The following GLP2R variants were observed in gnomAD, a reference collection of about 807,000 sequenced individuals.
GLP2R encodes the protein glucagon-like peptide 2 receptor.
Under a neutral mutation model 68.2 loss-of-function variants are expected in GLP2R, and 59 were observed. The ratio of observed to expected loss-of-function variants is 0.87; its 90% confidence interval spans 0.70 to 1.07. The LOEUF is 1.07. Ranked by LOEUF, GLP2R falls within the 50% of genes least tolerant of loss-of-function variation. The pLI, the probability that GLP2R is intolerant of heterozygous loss-of-function variation, is 0.00. For synonymous variants in GLP2R, 270 were observed against 265.4 expected (o/e 1.02, Z -0.17); for missense variants, 548 against 677.4 (o/e 0.81, Z 2.12).
intron 4 of GLP2R, among the ~76,000 whole-genome samples, chr17:9,846,758 C>A (rs1173561242): frequency 6.6e-6 from 1 of 152,148 alleles, no homozygotes; most frequent in South Asian, 2.1e-4. Context: ...TAAAAAAATT[C>A]TATACCTGAA....
intron 10 of GLP2R, among the ~76,000 whole-genome samples, chr17:9,874,235 C>A (rs994760497): frequency 1.3e-5 from 2 of 152,160 alleles, no homozygotes; most frequent in Non-Finnish European, 2.9e-5. Context: ...ACTGGGGAGA[C>A]CCTCATGGCT....
rs1196620250 is a variant in GLP2R at position 9,890,003 on chromosome 17, A to G, written c.*298A>G. 3.9e-6 allele frequency: 2 copies of G among 509,162 alleles called. No homozygotes were observed. Among genetic ancestry groups the G allele is most frequent in the Non-Finnish European group, 7.6e-6 (2 of 262,028 alleles). 31.5% of individuals were successfully genotyped at this position (509,162 alleles called of 1,614,324 possible). A position where few individuals can be genotyped will look rare whatever the true frequency, so the allele number is the denominator to read the frequency against. On this transcript the variant is annotated 3_prime_UTR_variant, in exon 13 of 13. Transcript: ENST00000262441. ...TTCAAGCCAATGAAGTCCCACCATG[A>G]AGAGAGGTCTCCTGTTATAGAGAAG...
At chr17:9,827,945 A>G (rs1368037893) in intron 1 of GLP2R, among the ~76,000 whole-genome samples, 1 of 130,030 alleles carries the variant, frequency 7.7e-6, no homozygotes, top group Non-Finnish European at 1.5e-5. Context: ...TGGGCAGTAG[A>G]GTGAGGATCT....
chr17:9,842,399 ATCCCTTCTCCCTGGGATTT>A, intron 3 of GLP2R, 77 bp from the exon 4 acceptor site: 1 of 1,487,868 alleles, frequency 6.7e-7, no homozygotes, highest in Non-Finnish European at 9.2e-7. Context: ...GGAAATGAAA[ATCCCTTCTCCCTGGGATTT>A]TCCACAGCTC....
chr17:9,854,880 A>G (rs1398285931), intron 5 of GLP2R, among the ~76,000 whole-genome samples: 1 of 152,182 alleles, frequency 6.6e-6, no homozygotes, highest in African/African-American at 2.4e-5. Context: ...ATGCTATACT[A>G]TAATAAGAGT....
chr17:9,865,696 T>C (rs763950056), intron 9 of GLP2R: 3 of 391,254 alleles, frequency 7.7e-6, no homozygotes, highest in African/African-American at 2.1e-5. Flanking sequence ...CTGAGTCCTT[T>C]ATTAATCTCT....
At chr17:9,859,910 G>A (rs1188379169) in intron 6 of GLP2R, 32 bp from the exon 7 acceptor site, 1 of 1,555,522 alleles carries the variant, frequency 6.4e-7, no homozygotes, top group Non-Finnish European at 8.7e-7. Context: ...AGGGGAGCCT[G>A]GACTCACCCT....
In GLP2R at chr17:9,836,514, T is replaced by C. The variant is rs376869251; in HGVS notation, c.382+39T>C. On this transcript the variant is annotated intron_variant, in intron 3 of 12. Coordinates refer to ENST00000262441, the MANE Select transcript of GLP2R (RefSeq NM_004246.3). The stretch of plus-strand genomic sequence containing the variant: ...TTTTTACCAATTTTCCCCAACCAAG[T>C]GCTTTTCTGAAGTCCTCTTCCCCCA... 4.0e-6 allele frequency: 5 copies of C among 1,242,048 alleles called. No individual in the cohort carries two copies. In the African/African-American group the frequency reaches 7.4e-5, roughly 18 times the overall value. 76.9% of individuals were successfully genotyped at this position (1,242,048 alleles called of 1,614,324 possible).
chr17:9,847,449 T>A (rs1380325160), intron 4 of GLP2R, among the ~76,000 whole-genome samples: 1 of 152,000 alleles, frequency 6.6e-6, no homozygotes, highest in Non-Finnish European at 1.5e-5. Context: ...TTTGTATTTT[T>A]AGTGGAGACG....
intron 11 of GLP2R, 60 bp from the exon 12 acceptor site, chr17:9,887,872 A>G: frequency 7.9e-7 from 1 of 1,269,246 alleles, no homozygotes; most frequent in Non-Finnish European, 1.2e-6. Context: ...CGTTGCCAGT[A>G]ACTCTCAGAC....
chr17:9,853,280 C>G (rs564297653), intron 4 of GLP2R: 54 of 275,282 alleles, frequency 2.0e-4, no homozygotes, highest in African/African-American at 1.2e-3. Context: ...CCTCCGGGGG[C>G]TCATGTCCAT....
At chr17:9,873,344 C>G (rs2067112934) in intron 10 of GLP2R, among the ~76,000 whole-genome samples, 2 of 152,120 alleles carry the variant, frequency 1.3e-5, no homozygotes. Context: ...TGCCCAAGAC[C>G]CACAGCAACC....
intron 7 of GLP2R, 77 bp downstream of exon 7, chr17:9,860,178 C>T: frequency 7.4e-7 from 1 of 1,342,348 alleles, no homozygotes; most frequent in African/African-American, 1.5e-5. Flanking sequence ...TTTAGTTGGA[C>T]TTAGAAACCT....
At chr17:9,833,044 C>T (rs766571479) in intron 1 of GLP2R, among the ~76,000 whole-genome samples, 2 of 152,002 alleles carry the variant, frequency 1.3e-5, no homozygotes, top group Admixed American at 1.3e-4. Flanking sequence ...GGGCAGATCA[C>T]GAGGTCAGGA....
chr17:9,829,830 AT>A lies in GLP2R; in HGVS notation c.189+3581del, dbSNP rs532595744. Among the ~76,000 whole-genome samples the A allele has an allele frequency of 1.3e-4, 20 of 152,334 alleles. No individual in the cohort carries two copies. The South Asian group carries it at 4.1e-3, about 32-fold the overall frequency. On this transcript the variant is annotated intron_variant, in intron 1 of 12. Coordinates refer to ENST00000262441, the MANE Select transcript of GLP2R (RefSeq NM_004246.3). ...CCCTTTTTGCATAGCTGTGATTTCTATTTCATCTACAGTGAAGTGTATTCCT... is the reference window on the plus strand; with the variant it reads ...CCCTTTTTGCATAGCTGTGATTTCTATTCATCTACAGTGAAGTGTATTCCT...
At position 9,889,808 on chromosome 17, in the gene GLP2R, G is replaced by A. The variant is rs142082510; in HGVS notation, c.*103G>A. On this transcript the variant is annotated 3_prime_UTR_variant, in exon 13 of 13. Coordinates refer to ENST00000262441, the MANE Select transcript of GLP2R (RefSeq NM_004246.3). Reference sequence around the variant, plus strand: ...CGTTGCTGGGCACGGAATCATTCTCGTTCCATTCACCATGCCACTTTGATA... The same window carrying A: ...CGTTGCTGGGCACGGAATCATTCTCATTCCATTCACCATGCCACTTTGATA... The A allele has an allele frequency of 2.7e-3, 1,917 of 707,870 alleles. 5 individuals are homozygous for A. The highest frequency in any genetic ancestry group is 3.6e-3 in the Non-Finnish European group (1,550 of 427,226). 43.8% of individuals were successfully genotyped at this position (707,870 alleles called of 1,614,324 possible). A position where few individuals can be genotyped will look rare whatever the true frequency, so the allele number is the denominator to read the frequency against.
At chr17:9,846,988 T>C (rs2066844811) in intron 4 of GLP2R, among the ~76,000 whole-genome samples, 1 of 152,224 alleles carries the variant, frequency 6.6e-6, no homozygotes, top group Non-Finnish European at 1.5e-5. Flanking sequence ...GCTCCCTGCT[T>C]CCACTCCTGA....
intron 9 of GLP2R, among the ~76,000 whole-genome samples, chr17:9,869,743 G>A (rs1414638750): frequency 6.6e-6 from 1 of 152,248 alleles, no homozygotes; most frequent in Non-Finnish European, 1.5e-5. Flanking sequence ...GAGAGAGAGA[G>A]AGAAAGAGAG....
chr17:9,873,576 T>TTTTTTTTTTTTTTTTTTTTTTTTTC, intron 10 of GLP2R, among the ~76,000 whole-genome samples: 1 of 146,776 alleles, frequency 6.8e-6, no homozygotes, highest in Non-Finnish European at 1.5e-5. Context: ...TTTTTTTTTT[T>TTTTTTTTTTTTTTTTTTTTTTTTTC]TTTAGCTCAT....
Sources: allele counts gnomAD v4.1 joint callset (sites outside exome capture counted in the v4.1 genomes callset), GRCh38; gene constraint gnomAD v4.1.1; transcripts MANE v1.5; gene names NCBI Gene and HGNC (gene_info 2026-07-23, HGNC 2026-07-21).